Variants in RORA observed in about 807,000 individuals in gnomAD.
The protein encoded by RORA is nuclear receptor ROR-alpha.
Under a neutral mutation model 69.5 loss-of-function variants are expected in RORA, and 7 were observed. The observed-to-expected ratio is 0.10, with a 90% CI of 0.06 to 0.19. The LOEUF is 0.19. Among genes scored for constraint, RORA ranks in the 10% least tolerant of loss-of-function variants. The pLI, the probability that RORA is intolerant of heterozygous loss-of-function variation, is 1.00. For synonymous variants in RORA, 261 were observed against 240.8 expected (o/e 1.08, Z -0.78); for missense variants, 457 against 663.0 (o/e 0.69, Z 3.41).
intron 1 of RORA, among the ~76,000 whole-genome samples, chr15:61,030,399 T>G (rs1896099445): frequency 6.6e-6 from 1 of 152,130 alleles, no homozygotes; most frequent in South Asian, 2.1e-4. Flanking sequence ...GGGCATGAGG[T>G]TGGCAACTTA....
intron 1 of RORA, among the ~76,000 whole-genome samples, chr15:60,805,809 C>T (rs1009659154): frequency 6.6e-6 from 1 of 152,222 alleles, no homozygotes. Flanking sequence ...GTTTCCAATT[C>T]TGCCAACTAA....
intron 2 of RORA, among the ~76,000 whole-genome samples, chr15:60,656,159 A>G (rs757496032): frequency 5.3e-5 from 8 of 152,194 alleles, no homozygotes; most frequent in Non-Finnish European, 7.3e-5. Flanking sequence ...ATTTAGGAAG[A>G]GAGAGGTTTG....
intron 1 of RORA, among the ~76,000 whole-genome samples, chr15:61,195,594 C>T (rs2079839504): frequency 6.6e-6 from 1 of 152,124 alleles, no homozygotes; most frequent in South Asian, 2.1e-4. Flanking sequence ...CTACTATTGA[C>T]CCCATTGATA....
intron 1 of RORA, among the ~76,000 whole-genome samples, chr15:60,816,004 C>A (rs1229695530): frequency 1.9e-5 from 2 of 103,138 alleles, no homozygotes; most frequent in Non-Finnish European, 2.1e-5. Context: ...ATACTATAAA[C>A]AGTATAAGTA....
At chr15:61,117,178 CTTTT>C (rs35859710) in intron 1 of RORA, among the ~76,000 whole-genome samples, 1 of 138,400 alleles carries the variant, frequency 7.2e-6, no homozygotes, top group Admixed American at 7.2e-5. Flanking sequence ...TTAAAAGTTA[CTTTT>C]TTTTTTTTTT....
chr15:61,187,113 G>T (rs955196356), intron 1 of RORA, among the ~76,000 whole-genome samples: 3 of 152,228 alleles, frequency 2.0e-5, no homozygotes, highest in African/African-American at 7.2e-5. Context: ...TTTCAAAAGC[G>T]GCGGTGGCAG....
At chr15:60,745,254 C>A (rs1207817771) in intron 1 of RORA, among the ~76,000 whole-genome samples, 1 of 152,190 alleles carries the variant, frequency 6.6e-6, no homozygotes, top group Non-Finnish European at 1.5e-5. Context: ...AGCAGAATCT[C>A]ATCCAACCTC....
chr15:60,661,357 A>G (rs992021857), intron 2 of RORA, among the ~76,000 whole-genome samples: 1 of 152,166 alleles, frequency 6.6e-6, no homozygotes, highest in African/African-American at 2.4e-5. Flanking sequence ...GTTACAGGAC[A>G]CTGTCCTAAC....
At chr15:60,854,379 T>C (rs1366586561) in intron 1 of RORA, among the ~76,000 whole-genome samples, 1 of 152,230 alleles carries the variant, frequency 6.6e-6, no homozygotes, top group Non-Finnish European at 1.5e-5. Context: ...ATATCATCCA[T>C]TATCCCTGAG....
intron 1 of RORA, among the ~76,000 whole-genome samples, chr15:60,827,501 T>C (rs757872134): frequency 2.0e-5 from 3 of 152,240 alleles, no homozygotes; most frequent in Non-Finnish European, 2.9e-5. Context: ...TGAAAAAATA[T>C]GTTTTATAAC....
At chr15:60,995,408 T>C (rs867009368) in intron 1 of RORA, among the ~76,000 whole-genome samples, 5 of 152,170 alleles carry the variant, frequency 3.3e-5, no homozygotes, top group Admixed American at 6.5e-5. Context: ...GCCTCATGGG[T>C]GCTCCCTTCT....
chr15:60,502,446 C>G (rs769581940), intron 8 of RORA, among the ~76,000 whole-genome samples: 6 of 152,078 alleles, frequency 3.9e-5, no homozygotes, highest in Non-Finnish European at 5.9e-5. Context: ...TCCTAAAGGT[C>G]ATCCGAATAA....
In RORA at chr15:60,694,517, G is replaced by A. The variant is rs1325018114; in HGVS notation, c.167-15831C>T. On this transcript the variant is annotated intron_variant, in intron 1 of 10. Transcript: ENST00000335670. ...TTTGGATTTGACAAATGAGAGTTTC[G>A]ATGGTGTATTGTTGTGCACATAACT... 2.6e-5 allele frequency among the ~76,000 whole-genome samples: 4 copies of A among 152,130 alleles called. No individual in the cohort carries two copies. In the South Asian group the frequency reaches 6.2e-4, roughly 24 times the overall value.
chr15:60,856,482 T>C (rs1405801277), intron 1 of RORA, among the ~76,000 whole-genome samples: 2 of 97,374 alleles, frequency 2.1e-5, no homozygotes, highest in African/African-American at 3.5e-5. Context: ...TTTTAAAGAA[T>C]CACTGACCTT....
At chr15:60,928,400 C>A (rs1892277314) in intron 1 of RORA, among the ~76,000 whole-genome samples, 1 of 152,164 alleles carries the variant, frequency 6.6e-6, no homozygotes, top group Non-Finnish European at 1.5e-5. Context: ...GAAAACACAA[C>A]CAACATTCTA....
intron 2 of RORA, among the ~76,000 whole-genome samples, chr15:60,558,857 T>A (rs2067449421): frequency 1.0e-5 from 1 of 96,460 alleles, no homozygotes; most frequent in South Asian, 2.5e-4. Context: ...ACTGTGCCAA[T>A]CTCATTAGAA....
intron 1 of RORA, among the ~76,000 whole-genome samples, chr15:60,965,077 G>T (rs955796429): frequency 6.6e-6 from 1 of 152,094 alleles, no homozygotes; most frequent in Non-Finnish European, 1.5e-5. Flanking sequence ...CATAGATTAG[G>T]TTCTAGAGAT....
In RORA at chr15:60,542,173, T is replaced by C. The variant is rs141328373; in HGVS notation, c.197-10322A>G. On this transcript the variant is annotated intron_variant, in intron 2 of 10. Transcript: ENST00000335670. ...AAGGTTTTGAAATCCATTTCACAAG[T>C]GGTGGCAGCACATTTCACATCGGAT... Among the ~76,000 whole-genome samples the C allele has an allele frequency of 1.8e-4, 27 of 152,336 alleles. No individual in the cohort carries two copies. In the East Asian group the frequency reaches 3.7e-3, roughly 21 times the overall value.
At position 60,590,443 on chromosome 15, in the gene RORA, T is replaced by TA. The variant is rs1437243712; in HGVS notation, c.197-58593dup. ...AACTTTAAATCAAAATATTAAAACG[T>TA]ACTTTCCTTTTTTTTGGTGGGTCGT... On this transcript the variant is annotated intron_variant, in intron 2 of 10. Coordinates refer to ENST00000335670, the MANE Select transcript of RORA (RefSeq NM_134261.3). Among the ~76,000 whole-genome samples, 4 of 152,206 alleles carry TA rather than the reference T, an allele frequency of 2.6e-5. No individual in the cohort carries two copies. The East Asian group carries it at 7.7e-4, about 29-fold the overall frequency.
Sources: allele counts gnomAD v4.1 joint callset (sites outside exome capture counted in the v4.1 genomes callset), GRCh38; gene constraint gnomAD v4.1.1; transcripts MANE v1.5; gene names NCBI Gene and HGNC (gene_info 2026-07-23, HGNC 2026-07-21).